PPIL2: variants seen among roughly 807,000 people sequenced by gnomAD.
The protein encoded by PPIL2 is RING-type E3 ubiquitin-protein ligase PPIL2.
In PPIL2, 50 loss-of-function variants were observed where a neutral mutation model predicts 75.2. The ratio of observed to expected loss-of-function variants is 0.66; its 90% CI spans 0.53 to 0.84. The LOEUF (loss-of-function observed/expected upper bound fraction) is 0.84, where lower values mean the gene tolerates loss of function less well. Among genes scored for constraint, PPIL2 ranks in the 40% least tolerant of loss-of-function variants. The pLI is 0.00. For missense variants in PPIL2, 590 were observed against 685.0 expected (o/e 0.86, Z 1.55); for synonymous variants, 245 against 258.8 (o/e 0.95, Z 0.51).
chr22:21,672,280 G>C (rs2066663375), intron 4 of PPIL2, 50 bp from the exon 5 acceptor site: 6 of 1,517,866 alleles, frequency 4.0e-6, no homozygotes, highest in Admixed American at 1.7e-5. Context: ...GTTGTTACCA[G>C]GTGGCGCCTA....
chr22:21,695,724 G>A lies in PPIL2; in HGVS notation c.*234G>A, dbSNP rs2067899961. The A allele has an allele frequency of 7.4e-7, 1 of 1,345,004 alleles. No homozygotes were observed. Among genetic ancestry groups the A allele is most frequent in the South Asian group, 1.5e-5 (1 of 65,838 alleles). The allele number at this position is 1,345,004 out of a possible 1,614,324, so 83.3% of individuals were successfully genotyped here. Reference sequence around the variant, plus strand: ...CTGGCCCAGCCAGAGCCCACTGCTGGGACCTTCAAGCACAAGGCCTGCCCT... The same window carrying A: ...CTGGCCCAGCCAGAGCCCACTGCTGAGACCTTCAAGCACAAGGCCTGCCCT... On this transcript the variant is annotated 3_prime_UTR_variant, in exon 20 of 20. Transcript: ENST00000398831.
rs1055756474 is a variant in PPIL2 at position 21,666,038 on chromosome 22, C to T, written c.-62C>T. On this transcript the variant is annotated 5_prime_UTR_variant, in exon 1 of 20. Coordinates refer to ENST00000398831, the MANE Select transcript of PPIL2 (RefSeq NM_014337.4). ...GTGGTCACGGAACTCGGCTGCGGCT[C>T]CATGGTCTGAGTTGTCAGCCGTTGT... The T allele has an allele frequency of 1.3e-6, 2 of 1,585,536 alleles. No individual in the cohort carries two copies. Among genetic ancestry groups the T allele is most frequent in the African/African-American group, 1.3e-5 (1 of 74,184 alleles).
At chr22:21,670,633 CT>C in intron 3 of PPIL2, 22 bp downstream of exon 3, 1 of 1,596,220 alleles carries the variant, frequency 6.3e-7, no homozygotes, top group East Asian at 2.2e-5. Flanking sequence ...GCGAGTTTAC[CT>C]TTCCCTTGTA....
rs986137037 is a variant in PPIL2, at chr22:21,686,617, G to C, written c.790+59G>C. On this transcript the variant is annotated intron_variant, in intron 11 of 19. Transcript: ENST00000398831. ...GTGACCCAAAAGTGGCAGGGGGTGG[G>C]TGTGCTCCCCGACTCCCACTTTATT... 2.0e-6 allele frequency: 3 copies of C among 1,529,546 alleles called. No homozygotes were observed. In the African/African-American group the frequency reaches 4.1e-5, roughly 21 times the overall value. The allele number at this position is 1,529,546 out of a possible 1,614,324, so 94.7% of individuals were successfully genotyped here.
intron 6 of PPIL2, among the ~76,000 whole-genome samples, chr22:21,676,044 G>A (rs2066828659): frequency 6.6e-6 from 1 of 152,222 alleles, no homozygotes; most frequent in Admixed American, 6.5e-5. Flanking sequence ...CTGGGTGCAT[G>A]CATTCCAGGG....
downstream of PPIL2, chr22:21,699,915 C>G (rs1175347494): frequency 1.3e-5 from 2 of 152,460 alleles, no homozygotes; most frequent in Admixed American, 6.5e-5. Context: ...TCAGTAAGGG[C>G]ACCTCTGCGG....
intron 5 of PPIL2, 81 bp from the exon 6 acceptor site, chr22:21,674,983 T>C (rs1601521395): frequency 4.5e-6 from 6 of 1,320,948 alleles, no homozygotes; most frequent in Non-Finnish European, 6.5e-6. Flanking sequence ...CAGAGACTTT[T>C]CCTGCCTGTC....
In PPIL2 at chr22:21,696,501, A is replaced by G; in HGVS notation, c.*1011A>G. ...GGCCAGCTGCATCAGCAGCCCTTAA[A>G]GAAAGACCCCTCCCTCAACCCCCAT... On this transcript the variant is annotated 3_prime_UTR_variant, in exon 20 of 20. Coordinates refer to ENST00000398831, the MANE Select transcript of PPIL2 (RefSeq NM_014337.4). 1 of 1,266,902 alleles carries G rather than the reference A, an allele frequency of 7.9e-7. No homozygotes were observed. Among genetic ancestry groups the G allele is most frequent in the Non-Finnish European group, 1.0e-6 (1 of 994,908 alleles). 78.5% of individuals were successfully genotyped at this position (1,266,902 alleles called of 1,614,324 possible).
At chr22:21,670,893 G>C (rs1238025264) in intron 3 of PPIL2, 104 bp from the exon 4 acceptor site, 1 of 1,161,156 alleles carries the variant, frequency 8.6e-7, no homozygotes, top group Non-Finnish European at 1.3e-6. Flanking sequence ...CCCAGAGAGG[G>C]CTCCCTGGGA....
chr22:21,681,192 C>T (rs927284128), intron 6 of PPIL2, 107 bp from the exon 7 acceptor site: 2 of 868,676 alleles, frequency 2.3e-6, no homozygotes, highest in Middle Eastern at 2.2e-4. Context: ...CACCTCCTCC[C>T]ATCGCTGACT....
chr22:21,684,925 A>G lies in PPIL2; in HGVS notation c.714+12A>G, dbSNP rs1359525283. 75 of 1,612,924 alleles carry G rather than the reference A, an allele frequency of 4.6e-5. No homozygotes were observed. Among genetic ancestry groups the G allele is most frequent in the Non-Finnish European group, 6.2e-5 (73 of 1,179,250 alleles). On this transcript the variant is annotated intron_variant, in intron 10 of 19. Coordinates refer to ENST00000398831, the MANE Select transcript of PPIL2 (RefSeq NM_014337.4). ...ACAAGCTGAACGCTGTGAGTGGCGG[A>G]GGGCACTCGGCCAAGCCCAAGCCCC...
chr22:21,689,006 G>T (rs559365525), intron 15 of PPIL2, among the ~76,000 whole-genome samples, 157 bp downstream of exon 15: 1 of 152,326 alleles, frequency 6.6e-6, no homozygotes, highest in Admixed American at 6.5e-5. Context: ...GCGTTCAAAA[G>T]GGGGTCCCCA....
chr22:21,676,309 T>TTGTGCGTGTGTG (rs2066849915), intron 6 of PPIL2, among the ~76,000 whole-genome samples: 1 of 123,018 alleles, frequency 8.1e-6, no homozygotes, highest in Non-Finnish European at 1.7e-5. Context: ...TTTATTTATT[T>TTGTGCGTGTGTG]TGTGTGTGTG....
Position 21,696,773 on chromosome 22 carries a change from T to C in PPIL2, c.*1283T>C. On this transcript the variant is annotated 3_prime_UTR_variant, in exon 20 of 20. Coordinates refer to ENST00000398831, the MANE Select transcript of PPIL2 (RefSeq NM_014337.4). ...AACTTGCAGGCTGTACCTCTGCCCT[T>C]CCTTTTCTCATCAATCACTGATGCT... is the stretch of plus-strand genomic sequence containing the variant. 1.3e-6 allele frequency: 2 copies of C among 1,545,990 alleles called. No homozygotes were observed. The highest frequency in any genetic ancestry group is 1.2e-5 in the South Asian group (1 of 84,064).
intron 12 of PPIL2, 68 bp downstream of exon 12, chr22:21,687,066 T>C: frequency 7.1e-7 from 1 of 1,407,712 alleles, no homozygotes; most frequent in East Asian, 2.3e-5. Context: ...AGCCATGTCT[T>C]AAATATAGGG....
At chr22:21,669,990 GT>G in intron 2 of PPIL2, 28 bp downstream of exon 2, 3 of 1,595,498 alleles carry the variant, frequency 1.9e-6, no homozygotes, top group Non-Finnish European at 2.6e-6. Context: ...TCTGTTCCCC[GT>G]TGGGGGAGTG....
chr22:21,698,778 C>T (rs993406838), downstream of PPIL2: 1 of 152,418 alleles, frequency 6.6e-6, no homozygotes, highest in Non-Finnish European at 1.5e-5. Flanking sequence ...CAGCAAGAGC[C>T]CTGCAGCGTG....
intron 6 of PPIL2, 33 bp downstream of exon 6, chr22:21,675,148 T>C: frequency 6.3e-7 from 1 of 1,585,156 alleles, no homozygotes; most frequent in Non-Finnish European, 8.7e-7. Context: ...ATTCTGGGCT[T>C]GACCTGCAGA....
At chr22:21,680,973 A>G (rs572842204) in intron 6 of PPIL2, among the ~76,000 whole-genome samples, 6 of 152,108 alleles carry the variant, frequency 3.9e-5, no homozygotes, top group African/African-American at 7.2e-5. Flanking sequence ...CAGGGCTGGA[A>G]CATGGGTTGT....
Sources: allele counts gnomAD v4.1 joint callset (sites outside exome capture counted in the v4.1 genomes callset), GRCh38; gene constraint gnomAD v4.1.1; transcripts MANE v1.5; gene names NCBI Gene and HGNC (gene_info 2026-07-23, HGNC 2026-07-21).